Variants in DGKB observed in about 807,000 individuals in gnomAD.
DGKB encodes the protein 90 kDa diacylglycerol kinase.
Under a neutral mutation model 114.3 loss-of-function variants are expected in DGKB, and 67 were observed. The observed-to-expected ratio is 0.59, with a 90% CI of 0.48 to 0.72. DGKB has a LOEUF of 0.72. DGKB is among the 30% of genes least tolerant of loss of function. DGKB has a pLI of 0.00. For missense variants in DGKB, 907 were observed against 975.2 expected, an observed-to-expected ratio of 0.93 and a Z score of 0.93; for synonymous variants, 398 against 323.1, an observed-to-expected ratio of 1.23 and a Z score of -2.49.
At chr7:14,166,941 G>A (rs1775939012) in intron 25 of DGKB, among the ~76,000 whole-genome samples, 1 of 152,090 alleles carries the variant, frequency 6.6e-6, no homozygotes, top group South Asian at 2.1e-4. Flanking sequence ...CACAGTGGGT[G>A]GCTCATGCAG....
chr7:14,513,228 T>C (rs993485113), intron 20 of DGKB, among the ~76,000 whole-genome samples: 1 of 152,078 alleles, frequency 6.6e-6, no homozygotes, highest in Non-Finnish European at 1.5e-5. Flanking sequence ...ATCTTCTACA[T>C]GTATTAAGTA....
At chr7:14,646,519 T>C (rs1172604914) in intron 13 of DGKB, among the ~76,000 whole-genome samples, 1 of 152,132 alleles carries the variant, frequency 6.6e-6, no homozygotes, top group Non-Finnish European at 1.5e-5. Context: ...GAGTATTTCA[T>C]CCAATAGCTG....
rs1039207555 is a variant in DGKB, at chr7:14,781,463, C to A, written c.71-23732G>T. Among the ~76,000 whole-genome samples the A allele has an allele frequency of 3.3e-5, 5 of 152,154 alleles. No homozygotes were observed. The East Asian group carries it at 7.7e-4, about 23-fold the overall frequency. On this transcript the variant is annotated intron_variant, in intron 2 of 25. Coordinates refer to ENST00000402815, the MANE Select transcript of DGKB (RefSeq NM_001350709.2). ...CACTCACCATTATCTCTTCTACTAA[C>A]TATTCTGGTTGCCTCCCCACAGCTC...
intron 23 of DGKB, among the ~76,000 whole-genome samples, chr7:14,260,714 C>T (rs7789048): frequency 6.6e-6 from 1 of 151,998 alleles, no homozygotes; most frequent in Admixed American, 6.5e-5. Flanking sequence ...ATTTTAGCAA[C>T]CCTTTTGGTT....
At chr7:14,657,415 T>G (rs1376516754) in intron 13 of DGKB, among the ~76,000 whole-genome samples, 1 of 151,942 alleles carries the variant, frequency 6.6e-6, no homozygotes, top group Non-Finnish European at 1.5e-5. Flanking sequence ...TGAATTGATC[T>G]ATAATGAATA....
intron 20 of DGKB, among the ~76,000 whole-genome samples, chr7:14,568,265 TA>T (rs1797892659): frequency 6.6e-6 from 1 of 152,194 alleles, no homozygotes; most frequent in Non-Finnish European, 1.5e-5. Flanking sequence ...TATCTATTTT[TA>T]GAGTTAATTA....
chr7:14,527,650 T>C (rs1790858678), intron 20 of DGKB, among the ~76,000 whole-genome samples: 1 of 152,124 alleles, frequency 6.6e-6, no homozygotes, highest in South Asian at 2.1e-4. Flanking sequence ...CCTGAAGAGC[T>C]ATAATTTTTG....
intron 23 of DGKB, among the ~76,000 whole-genome samples, chr7:14,236,782 C>T (rs1276587167): frequency 6.6e-6 from 1 of 151,952 alleles, no homozygotes; most frequent in African/African-American, 2.4e-5. Flanking sequence ...TTAATTCTCA[C>T]ACCAGCACAC....
intron 2 of DGKB, among the ~76,000 whole-genome samples, chr7:14,772,699 T>G (rs945520821): frequency 3.3e-5 from 5 of 152,162 alleles, no homozygotes; most frequent in Non-Finnish European, 4.4e-5. Context: ...AGATATCCAA[T>G]GTGAATTTTA....
intron 23 of DGKB, among the ~76,000 whole-genome samples, chr7:14,186,799 A>C (rs903457855): frequency 1.3e-5 from 2 of 152,138 alleles, no homozygotes; most frequent in South Asian, 4.2e-4. Context: ...GTTCTCATGG[A>C]TATGTGGGAG....
intron 1 of DGKB, among the ~76,000 whole-genome samples, chr7:14,864,329 C>A (rs1449041795): frequency 6.6e-6 from 1 of 152,086 alleles, no homozygotes; most frequent in Non-Finnish European, 1.5e-5. Context: ...CATGCACATA[C>A]AAACACACCC....
intron 20 of DGKB, among the ~76,000 whole-genome samples, chr7:14,521,260 C>T (rs1288261397): frequency 6.6e-6 from 1 of 152,124 alleles, no homozygotes; most frequent in East Asian, 1.9e-4. Flanking sequence ...GGCTGCACAC[C>T]TACAACCATT....
rs1852221260 is a variant in DGKB, at chr7:14,869,997, T to C, written c.-187-28547A>G. Among the ~76,000 whole-genome samples, 3 of 152,030 alleles carry C rather than the reference T, an allele frequency of 2.0e-5. No homozygotes were observed. The South Asian group carries it at 6.2e-4, about 32-fold the overall frequency. On this transcript the variant is annotated intron_variant, in intron 1 of 25. Transcript: ENST00000402815. ...ACCTCTCTATTTTAAAATTTTTATT[T>C]AGCAGTTTTTTCTATCAACATGTTA...
intron 21 of DGKB, among the ~76,000 whole-genome samples, chr7:14,366,529 T>C (rs541091879): frequency 9.2e-5 from 14 of 152,276 alleles, no homozygotes; most frequent in Middle Eastern, 3.4e-3. Flanking sequence ...GAGAGGAACA[T>C]GTGTATGCGC....
At chr7:14,533,639 T>C (rs1171101134) in intron 20 of DGKB, among the ~76,000 whole-genome samples, 1 of 151,836 alleles carries the variant, frequency 6.6e-6, no homozygotes, top group Non-Finnish European at 1.5e-5. Context: ...TATAATTAAA[T>C]TGTGAAAAGG....
chr7:14,152,590 C>T (rs896970725), intron 25 of DGKB, among the ~76,000 whole-genome samples: 1 of 152,054 alleles, frequency 6.6e-6, no homozygotes, highest in Non-Finnish European at 1.5e-5. Flanking sequence ...CTGCCCATGA[C>T]TATTTCTACT....
At chr7:14,463,292 A>G (rs1408261888) in intron 21 of DGKB, among the ~76,000 whole-genome samples, 2 of 152,140 alleles carry the variant, frequency 1.3e-5, no homozygotes, top group African/African-American at 4.8e-5. Context: ...TACCTAATGT[A>G]GGTGACGGAT....
intron 21 of DGKB, among the ~76,000 whole-genome samples, chr7:14,382,741 A>G (rs981871124): frequency 5.9e-5 from 9 of 152,164 alleles, no homozygotes; most frequent in African/African-American, 2.2e-4. Context: ...TTTCTTCTGT[A>G]ATTCTAGATT....
intron 21 of DGKB, among the ~76,000 whole-genome samples, chr7:14,447,419 T>C (rs1830875172): frequency 6.6e-6 from 1 of 152,092 alleles, no homozygotes; most frequent in Non-Finnish European, 1.5e-5. Flanking sequence ...AGCTTCCACA[T>C]GTGGATCAGG....
Sources: allele counts gnomAD v4.1 joint callset (sites outside exome capture counted in the v4.1 genomes callset), GRCh38; gene constraint gnomAD v4.1.1; transcripts MANE v1.5; gene names NCBI Gene and HGNC (gene_info 2026-07-23, HGNC 2026-07-21).